The following NALCN variants were observed in gnomAD, a reference collection of about 807,000 sequenced individuals.
NALCN encodes sodium leak channel, non-selective.
NALCN carries 111 observed loss-of-function variants against 225.3 expected under a neutral mutation model. That is an observed-to-expected ratio of 0.49 (90% CI 0.42 to 0.58). The LOEUF (loss-of-function observed/expected upper bound fraction) is 0.58. Among genes scored for constraint, NALCN ranks in the 20% least tolerant of loss-of-function variants. The pLI is 0.00. For missense variants in NALCN, 1,378 were observed against 2,202.4 expected (o/e 0.63, Z 7.49); for synonymous variants, 764 against 769.0 (o/e 0.99, Z 0.11).
chr13:101,213,930 C>T (rs979763700), intron 13 of NALCN, among the ~76,000 whole-genome samples: 2 of 152,054 alleles, frequency 1.3e-5, no homozygotes, highest in South Asian at 2.1e-4. Context: ...TGACCCAGCC[C>T]TCCCATTACT....
chr13:101,389,352 A>G (rs1414759865), intron 3 of NALCN, among the ~76,000 whole-genome samples: 3 of 152,246 alleles, frequency 2.0e-5, no homozygotes, highest in Admixed American at 1.3e-4. Context: ...TTGCAGGTTA[A>G]TGTAAAACAA....
intron 18 of NALCN, among the ~76,000 whole-genome samples, chr13:101,114,050 G>A (rs2035578669): frequency 6.6e-6 from 1 of 152,172 alleles, no homozygotes; most frequent in Non-Finnish European, 1.5e-5. Flanking sequence ...AGCCTCTCAT[G>A]GTTCAAAGAA....
intron 1 of NALCN, among the ~76,000 whole-genome samples, chr13:101,414,357 G>A (rs74683650): frequency 0.02 from 2,969 of 152,256 alleles, 50 homozygotes; most frequent in South Asian, 0.046. Flanking sequence ...CTGGCCCAGT[G>A]CTTAGCTTAT....
chr13:101,325,400 T>A (rs763163309), intron 7 of NALCN, among the ~76,000 whole-genome samples: 2 of 152,176 alleles, frequency 1.3e-5, no homozygotes, highest in Non-Finnish European at 2.9e-5. Flanking sequence ...TTTCTCTCCT[T>A]ATTACAATAG....
intron 17 of NALCN, among the ~76,000 whole-genome samples, chr13:101,132,309 A>G (rs1194131859): frequency 6.6e-6 from 1 of 151,652 alleles, no homozygotes; most frequent in Non-Finnish European, 1.5e-5. Context: ...TTTTGTGGTT[A>G]TTTTCTTCTT....
At chr13:101,310,526 C>T (rs556338959) in intron 7 of NALCN, among the ~76,000 whole-genome samples, 6 of 152,130 alleles carry the variant, frequency 3.9e-5, no homozygotes, top group Non-Finnish European at 8.8e-5. Context: ...GCCACCTTAT[C>T]TGAAACTGCA....
chr13:101,370,801 T>C (rs2046518142), intron 6 of NALCN, among the ~76,000 whole-genome samples: 1 of 152,202 alleles, frequency 6.6e-6, no homozygotes, highest in South Asian at 2.1e-4. Context: ...CATACGAAAG[T>C]GTACAGTTTG....
chr13:101,397,757 G>A (rs114585105), intron 2 of NALCN, among the ~76,000 whole-genome samples: 5,626 of 151,908 alleles, frequency 0.037, 147 homozygotes, highest in Admixed American at 0.072. Context: ...AATATATGAT[G>A]CATATAAAAA....
At chr13:101,160,675 T>A (rs2038138030) in intron 15 of NALCN, among the ~76,000 whole-genome samples, 2 of 152,184 alleles carry the variant, frequency 1.3e-5, no homozygotes, top group African/African-American at 2.4e-5. Flanking sequence ...TGTTTTTTTT[T>A]ATGAAGGTGT....
intron 7 of NALCN, among the ~76,000 whole-genome samples, chr13:101,311,367 A>G (rs1307034069): frequency 1.3e-5 from 2 of 151,500 alleles, no homozygotes; most frequent in Admixed American, 6.6e-5. Context: ...TCTCCTGCCT[A>G]ATTGCCCTGG....
At chr13:101,391,188 A>T (rs1465802711) in intron 3 of NALCN, among the ~76,000 whole-genome samples, 2 of 152,174 alleles carry the variant, frequency 1.3e-5, no homozygotes, top group African/African-American at 4.8e-5. Context: ...CAAACAAAAA[A>T]TACTGCTAGC....
chr13:101,259,732 G>GTATATATATATATATATATATA (rs35199456), intron 10 of NALCN, among the ~76,000 whole-genome samples: 34 of 119,374 alleles, frequency 2.8e-4, no homozygotes, highest in South Asian at 5.8e-4. Context: ...CATAGTAAGT[G>GTATATATATATATATATATATA]TATATATATA....
chr13:101,308,516 C>A (rs966407050), intron 7 of NALCN, among the ~76,000 whole-genome samples: 1 of 152,128 alleles, frequency 6.6e-6, no homozygotes, highest in Admixed American at 6.5e-5. Flanking sequence ...CCCACATACC[C>A]AGGATGGCAG....
At chr13:101,296,954 A>G (rs985334907) in intron 7 of NALCN, among the ~76,000 whole-genome samples, 2 of 152,232 alleles carry the variant, frequency 1.3e-5, no homozygotes, top group Non-Finnish European at 2.9e-5. Context: ...CACTGCCTGT[A>G]TTGAGAATAG....
chr13:101,387,428 C>G (rs2047028929), intron 3 of NALCN, among the ~76,000 whole-genome samples: 1 of 152,106 alleles, frequency 6.6e-6, no homozygotes. Context: ...TTGCACAACT[C>G]TGTTCCAAAC....
intron 17 of NALCN, among the ~76,000 whole-genome samples, chr13:101,132,627 C>CT (rs1566316589): frequency 6.6e-6 from 1 of 152,060 alleles, no homozygotes; most frequent in East Asian, 1.9e-4. Context: ...ATTATTATCT[C>CT]TTTTTTCCAG....
chr13:101,089,610 G>A lies in NALCN; in HGVS notation c.3489+53C>T, dbSNP rs115807538. The stretch of plus-strand genomic sequence containing the variant: ...TGTGAAAAGAAACAAATAGCTCAAA[G>A]TGAGTGGCTAGAAAAGGCTAAACCC... On this transcript the variant is annotated intron_variant, in intron 30 of 43. Coordinates refer to ENST00000251127, the MANE Select transcript of NALCN (RefSeq NM_052867.4). The surrounding 1 kb of genome is among the most constrained non-coding windows in gnomAD (Gnocchi z 4.7). 1.3e-6 allele frequency: 2 copies of A among 1,515,734 alleles called. No individual in the cohort carries two copies. Among genetic ancestry groups the A allele is most frequent in the East Asian group, 2.3e-5 (1 of 44,192 alleles). The allele number at this position is 1,515,734 out of a possible 1,614,324, so 93.9% of individuals were successfully genotyped here. A position where few individuals can be genotyped will look rare whatever the true frequency, so the allele number is the denominator to read the frequency against.
At chr13:101,106,317 CTACCG>C (rs1291018210) in intron 22 of NALCN, among the ~76,000 whole-genome samples, 1 of 152,094 alleles carries the variant, frequency 6.6e-6, no homozygotes, top group Non-Finnish European at 1.5e-5. Flanking sequence ...GGTTTGGACT[CTACCG>C]TATGGATTTT....
rs926836546 is a variant in NALCN, at chr13:101,292,710, C to T, written c.800-344G>A. Among the ~76,000 whole-genome samples the T allele has an allele frequency of 1.3e-5, 2 of 152,052 alleles. No homozygotes were observed. Among genetic ancestry groups the T allele is most frequent in the Admixed American group, 1.3e-4 (2 of 15,258 alleles). On this transcript the variant is annotated intron_variant, in intron 7 of 43. Coordinates refer to ENST00000251127, the MANE Select transcript of NALCN (RefSeq NM_052867.4). This position sits in a 1 kb window ranked among gnomAD's most constrained non-coding sequence, Gnocchi z 4.3. ...AAGGATATGTACCATTTAAGCTTGC[C>T]ACTTGGAGCCTAACACATTCAATAA... is the stretch of plus-strand genomic sequence containing the variant.
Sources: gnomAD v4.1 joint callset for allele counts (sites outside exome capture counted in the v4.1 genomes callset) on GRCh38, gnomAD v4.1.1 for gene constraint, Gnocchi (gnomAD v3.1) non-coding constraint, MANE v1.5 for transcripts, NCBI Gene and HGNC (gene_info 2026-07-23, HGNC 2026-07-21) for gene names.